Variants in ST7 observed in about 807,000 individuals in gnomAD.
ST7 encodes the protein suppressor of tumorigenicity 7 protein.
A neutral mutation model predicts 78.7 loss-of-function variants in ST7; 28 were observed. The ratio of observed to expected loss-of-function variants is 0.36; its 90% CI spans 0.26 to 0.49. The LOEUF is 0.49. Ranked by LOEUF, ST7 falls within the 20% of genes least tolerant of loss-of-function variation. The pLI is 0.99. For synonymous variants in ST7, 247 were observed against 249.6 expected, an observed-to-expected ratio of 0.99 and a Z score of 0.10; for missense variants, 418 against 696.0, an observed-to-expected ratio of 0.60 and a Z score of 4.49.
At chr7:117,166,903 G>A (rs1807600592) in intron 9 of ST7, among the ~76,000 whole-genome samples, 1 of 147,536 alleles carries the variant, frequency 6.8e-6, no homozygotes, top group African/African-American at 2.6e-5. Flanking sequence ...AAAAAAAAAA[G>A]CCTTTATGAC....
intron 15 of ST7, among the ~76,000 whole-genome samples, chr7:117,227,634 A>C (rs896955232): frequency 6.6e-6 from 1 of 152,322 alleles, no homozygotes; most frequent in Admixed American, 6.5e-5. Flanking sequence ...TGCAATCAGT[A>C]GACTTGTTCC....
At chr7:117,183,389 C>A (rs963485279) in intron 10 of ST7, among the ~76,000 whole-genome samples, 1 of 151,328 alleles carries the variant, frequency 6.6e-6, no homozygotes, top group African/African-American at 2.4e-5. Flanking sequence ...TGTGCTACTG[C>A]ACTCCAGCCT....
At chr7:117,055,852 A>G (rs1445968474) in intron 1 of ST7, among the ~76,000 whole-genome samples, 1 of 152,224 alleles carries the variant, frequency 6.6e-6, no homozygotes, top group Admixed American at 6.5e-5. Context: ...ATACATATAT[A>G]TAAAGGCAAA....
intron 7 of ST7, among the ~76,000 whole-genome samples, chr7:117,135,632 T>A (rs1044338798): frequency 6.6e-6 from 1 of 152,094 alleles, no homozygotes; most frequent in Middle Eastern, 3.2e-3. Context: ...CTTTGAGTGT[T>A]GGAAGGAACT....
chr7:117,138,535 G>T lies in ST7; in HGVS notation c.963+3G>T. 1 of 1,589,686 alleles carries T rather than the reference G, an allele frequency of 6.3e-7. No homozygotes were observed. Among genetic ancestry groups the T allele is most frequent in the South Asian group, 1.1e-5 (1 of 87,912 alleles). On this transcript the variant is annotated splice_donor_region_variant and intron_variant, in intron 9 of 15. Coordinates refer to ENST00000323984, the MANE Select transcript of ST7 (RefSeq NM_001369598.1). The stretch of plus-strand genomic sequence containing the variant: ...AAGCAGTGAAAATGATGAGAGATGT[G>T]AGTTTGAGTTTGTGTTTGGGATCAG...
intron 9 of ST7, among the ~76,000 whole-genome samples, chr7:117,140,609 A>C (rs1805201556): frequency 6.6e-6 from 1 of 151,986 alleles, no homozygotes; most frequent in South Asian, 2.1e-4. Context: ...TGAATTGATC[A>C]CTCAGTTAAT....
chr7:117,058,096 G>A (rs1798157673), intron 1 of ST7, among the ~76,000 whole-genome samples: 1 of 152,152 alleles, frequency 6.6e-6, no homozygotes. Context: ...ATATTTGCTA[G>A]TGAGTGTCAA....
chr7:117,181,784 T>C (rs549854918), intron 10 of ST7, among the ~76,000 whole-genome samples: 116 of 152,160 alleles, frequency 7.6e-4, no homozygotes, highest in African/African-American at 2.6e-3. Flanking sequence ...TAAACACAGA[T>C]GAGATAGTGG....
At chr7:117,097,894 ATATATATATATATATTTTTT>A (rs1177990025) in intron 1 of ST7, among the ~76,000 whole-genome samples, 2 of 21,834 alleles carry the variant, frequency 9.2e-5, no homozygotes, top group Non-Finnish European at 1.7e-4. Context: ...ATATATATAT[ATATATATATATATATTTTTT>A]TTTTTTTTTT....
chr7:117,070,117 T>G (rs1405883629), intron 1 of ST7, among the ~76,000 whole-genome samples: 1 of 152,208 alleles, frequency 6.6e-6, no homozygotes, highest in African/African-American at 2.4e-5. Context: ...TTTTAGTCCT[T>G]TCTTTGAAAT....
intron 1 of ST7, chr7:117,015,128 C>T (rs1795546869): frequency 1.9e-6 from 1 of 518,002 alleles, no homozygotes; most frequent in Non-Finnish European, 2.9e-6. Context: ...AAATATTGTG[C>T]ATCAGTTTAT....
chr7:117,119,843 T>A, intron 3 of ST7, 123 bp downstream of exon 3: 1 of 1,180,036 alleles, frequency 8.5e-7, no homozygotes, highest in Non-Finnish European at 1.2e-6. Context: ...AAAATGCAGA[T>A]CATTTTCCCA....
intron 13 of ST7, among the ~76,000 whole-genome samples, chr7:117,218,225 G>T (rs995261124): frequency 6.6e-6 from 1 of 152,124 alleles, no homozygotes; most frequent in Non-Finnish European, 1.5e-5. Flanking sequence ...CCCAGAGTAG[G>T]GTAGAGCTTT....
chr7:117,038,657 C>A (rs1797032402), intron 1 of ST7, among the ~76,000 whole-genome samples: 1 of 152,088 alleles, frequency 6.6e-6, no homozygotes, highest in South Asian at 2.1e-4. Flanking sequence ...GTGTTGAATG[C>A]ATAGTTATAT....
chr7:117,215,920 A>G (rs760300298), intron 13 of ST7, among the ~76,000 whole-genome samples: 14 of 152,072 alleles, frequency 9.2e-5, no homozygotes, highest in Non-Finnish European at 1.8e-4. Flanking sequence ...GTTACAAATA[A>G]TCTGTATAAA....
At chr7:117,138,287 G>T in intron 8 of ST7, 148 bp from the exon 9 acceptor site, 1 of 514,966 alleles carries the variant, frequency 1.9e-6, no homozygotes, top group Non-Finnish European at 3.5e-6. Context: ...TTGACCTTTG[G>T]GAGTCTAAGT....
At chr7:116,954,189 G>C (rs1186341803) in intron 1 of ST7, 1 of 151,946 alleles carries the variant, frequency 6.6e-6, no homozygotes, top group Non-Finnish European at 1.5e-5. Flanking sequence ...GCTGCCGGAG[G>C]GTGCTCGGCG....
At chr7:117,164,911 A>AC (rs1177527076) in intron 9 of ST7, among the ~76,000 whole-genome samples, 9 of 152,092 alleles carry the variant, frequency 5.9e-5, no homozygotes, top group Non-Finnish European at 1.0e-4. Context: ...GATGATCTCC[A>AC]CGGACTCTTC....
At chr7:117,183,699 C>G (rs1276603216) in intron 10 of ST7, among the ~76,000 whole-genome samples, 1 of 152,194 alleles carries the variant, frequency 6.6e-6, no homozygotes, top group Non-Finnish European at 1.5e-5. Context: ...CACTGTCTAA[C>G]AGTTTCCAAT....
Sources: gnomAD v4.1 joint callset for allele counts (sites outside exome capture counted in the v4.1 genomes callset) on GRCh38, gnomAD v4.1.1 for gene constraint, MANE v1.5 for transcripts, NCBI Gene and HGNC (gene_info 2026-07-23, HGNC 2026-07-21) for gene names.